CSMD3: variants seen among roughly 807,000 people sequenced by gnomAD.
The protein encoded by CSMD3 is CUB and sushi domain-containing protein 3.
CSMD3 carries 177 observed loss-of-function variants against 435.2 expected under a neutral mutation model. The ratio of observed to expected loss-of-function variants is 0.41; its 90% CI spans 0.36 to 0.46. CSMD3 has a LOEUF of 0.46. CSMD3 is among the 20% of genes least tolerant of loss of function. The pLI is 0.34. For missense variants in CSMD3, 4,265 were observed against 4,504.6 expected (o/e 0.95, Z 1.52); for synonymous variants, 1,656 against 1,520.5 (o/e 1.09, Z -2.07).
chr8:112,335,472 T>A lies in CSMD3; in HGVS notation c.7022A>T (p.Asp2341Val). 1 of 1,613,780 alleles carries A rather than the reference T, an allele frequency of 6.2e-7. No individual in the cohort carries two copies. The highest frequency in any genetic ancestry group is 8.5e-7 in the Non-Finnish European group (1 of 1,179,774). The stretch of plus-strand genomic sequence containing the variant: ...CTGAGGTGAATTTTGGTCTGGTCCA[T>A]CCCTATGAGACAAGGATTGGGAAAG... The part of the protein sequence containing the change: ...EPIYDFITVW[D>V]GPDQNSPQIG... The change falls in exon 45 of 71, where the codon GAT becomes GTT. Residue 2341 changes from aspartate (D) to valine (V), a missense_variant and splice_region_variant. By Grantham distance (152) the Asp-to-Val change is radical. Transcript: ENST00000297405.
At chr8:112,962,928 A>G (rs1224185563) in intron 7 of CSMD3, among the ~76,000 whole-genome samples, 1 of 151,952 alleles carries the variant, frequency 6.6e-6, no homozygotes, top group African/African-American at 2.4e-5. Flanking sequence ...GAAAAGCAGA[A>G]TATAGAGCAC....
chr8:112,923,039 C>T (rs1028730844), intron 9 of CSMD3, among the ~76,000 whole-genome samples: 10 of 152,124 alleles, frequency 6.6e-5, no homozygotes, highest in Non-Finnish European at 1.5e-4. Context: ...ATTTCACAAG[C>T]ACTCCATCAG....
intron 4 of CSMD3, among the ~76,000 whole-genome samples, chr8:113,104,980 G>T (rs990953351): frequency 1.3e-5 from 2 of 151,998 alleles, no homozygotes; most frequent in African/African-American, 4.8e-5. Flanking sequence ...TTAATGCACT[G>T]AAGAAAGTAA....
At chr8:112,687,124 T>G (rs1329887519) in intron 14 of CSMD3, among the ~76,000 whole-genome samples, 1 of 152,048 alleles carries the variant, frequency 6.6e-6, no homozygotes, top group Non-Finnish European at 1.5e-5. Flanking sequence ...TCAAAACATT[T>G]TGCTAAATTT....
At chr8:112,633,956 T>C (rs1346028584) in intron 22 of CSMD3, among the ~76,000 whole-genome samples, 1 of 152,048 alleles carries the variant, frequency 6.6e-6, no homozygotes, top group Non-Finnish European at 1.5e-5. Flanking sequence ...ATGTTTAGAT[T>C]CCAAATAACT....
At chr8:113,041,164 A>T (rs2131286938) in intron 5 of CSMD3, among the ~76,000 whole-genome samples, 1 of 138,050 alleles carries the variant, frequency 7.2e-6, no homozygotes, top group African/African-American at 2.7e-5. Flanking sequence ...CGAGATCGCG[A>T]CACTGCACGC....
intron 10 of CSMD3, among the ~76,000 whole-genome samples, chr8:112,899,850 G>C (rs537169235): frequency 6.7e-6 from 1 of 149,008 alleles, no homozygotes; most frequent in African/African-American, 2.5e-5. Flanking sequence ...GAGAGAGAGA[G>C]TCAGAGAGAG....
chr8:112,569,696 C>T (rs922544850), intron 24 of CSMD3, among the ~76,000 whole-genome samples: 15 of 152,228 alleles, frequency 9.9e-5, no homozygotes, highest in African/African-American at 3.6e-4. Flanking sequence ...TGGCCAAAAA[C>T]AGCCTGCTTG....
intron 62 of CSMD3, among the ~76,000 whole-genome samples, chr8:112,254,784 A>T (rs1321077402): frequency 6.6e-6 from 1 of 152,096 alleles, no homozygotes; most frequent in Non-Finnish European, 1.5e-5. Context: ...AGGCATAATA[A>T]TGGTAGGTAG....
intron 13 of CSMD3, among the ~76,000 whole-genome samples, chr8:112,794,285 C>CCCT (rs2078767457): frequency 1.0e-5 from 1 of 96,302 alleles, no homozygotes; most frequent in African/African-American, 3.9e-5. Context: ...GACTGATAAA[C>CCCT]TTTTTTTTTT....
At chr8:112,795,731 CAT>C (rs374031062) in intron 13 of CSMD3, among the ~76,000 whole-genome samples, 52 of 152,238 alleles carry the variant, frequency 3.4e-4, no homozygotes, top group East Asian at 1.5e-3. Flanking sequence ...ACAGTAAACA[CAT>C]GTTTGTTTAA....
At chr8:112,416,899 TA>T (rs79227250) in intron 32 of CSMD3, among the ~76,000 whole-genome samples, 28,467 of 152,014 alleles carry the variant, frequency 0.19, 3,217 homozygotes, top group Middle Eastern at 0.36. Flanking sequence ...TTAAAATACG[TA>T]AGAGGTTGTA....
intron 13 of CSMD3, among the ~76,000 whole-genome samples, chr8:112,712,210 G>A (rs1237893600): frequency 6.6e-6 from 1 of 152,120 alleles, no homozygotes; most frequent in East Asian, 1.9e-4. Context: ...CCACTATGAA[G>A]AGCAGGATCC....
intron 13 of CSMD3, among the ~76,000 whole-genome samples, chr8:112,710,136 T>G (rs2076580722): frequency 6.6e-6 from 1 of 152,080 alleles, no homozygotes; most frequent in Admixed American, 6.6e-5. Context: ...GCCATAAAGA[T>G]ATGGGGTTTA....
At chr8:112,426,693 G>T (rs922842380) in intron 32 of CSMD3, among the ~76,000 whole-genome samples, 1 of 152,204 alleles carries the variant, frequency 6.6e-6, no homozygotes, top group African/African-American at 2.4e-5. Context: ...TGTATGCACT[G>T]CTTATTCTGG....
intron 12 of CSMD3, among the ~76,000 whole-genome samples, chr8:112,815,058 A>C (rs2079334728): frequency 6.6e-6 from 1 of 152,118 alleles, no homozygotes; most frequent in Non-Finnish European, 1.5e-5. Context: ...AAGTACACGA[A>C]ATTCACTAAA....
chr8:112,702,067 T>C (rs1050161671), intron 13 of CSMD3, among the ~76,000 whole-genome samples: 3 of 152,106 alleles, frequency 2.0e-5, no homozygotes, highest in African/African-American at 7.2e-5. Context: ...TCCCATGAGT[T>C]TATATTTATT....
intron 8 of CSMD3, among the ~76,000 whole-genome samples, chr8:112,954,465 T>A (rs978595334): frequency 1.4e-4 from 21 of 151,564 alleles, no homozygotes; most frequent in African/African-American, 5.1e-4. Context: ...ATAAACTTTA[T>A]CAAAAATAAT....
At chr8:112,970,050 T>C (rs2084586264) in intron 7 of CSMD3, among the ~76,000 whole-genome samples, 1 of 152,060 alleles carries the variant, frequency 6.6e-6, no homozygotes, top group African/African-American at 2.4e-5. Flanking sequence ...GACTGGGTTT[T>C]TATACAGTTT....
Sources: gnomAD v4.1 joint callset for allele counts (sites outside exome capture counted in the v4.1 genomes callset) on GRCh38, gnomAD v4.1.1 for gene constraint, MANE v1.5 for transcripts, NCBI Gene and HGNC (gene_info 2026-07-23, HGNC 2026-07-21) for gene names.